The following MYT1L variants were observed in gnomAD, a reference collection of about 807,000 sequenced individuals.
MYT1L encodes myelin transcription factor 1 like.
In MYT1L, 12 loss-of-function variants were observed where a neutral mutation model predicts 126.7. The ratio of observed to expected loss-of-function variants is 0.09; its 90% CI spans 0.06 to 0.15. MYT1L has a LOEUF of 0.15. Ranked by LOEUF, MYT1L falls within the 10% of genes least tolerant of loss-of-function variation. The probability of loss-of-function intolerance (pLI) is 1.00; values close to 1 mark genes in which losing one functional copy is unlikely to be tolerated. For missense variants in MYT1L, 979 were observed against 1,585.2 expected, an observed-to-expected ratio of 0.62 and a Z score of 6.49; for synonymous variants, 541 against 604.2, an observed-to-expected ratio of 0.90 and a Z score of 1.53.
chr2:2,293,265 G>A (rs761889604), intron 1 of MYT1L, among the ~76,000 whole-genome samples: 6 of 152,154 alleles, frequency 3.9e-5, no homozygotes, highest in Admixed American at 6.5e-5. Flanking sequence ...GAACAGCACC[G>A]AGGAGGGAAA....
At chr2:1,856,349 G>A (rs747989807) in intron 18 of MYT1L, among the ~76,000 whole-genome samples, 6 of 152,138 alleles carry the variant, frequency 3.9e-5, no homozygotes, top group Admixed American at 1.3e-4. Flanking sequence ...TTGACCACAC[G>A]TCCATGGAGG....
intron 22 of MYT1L, 36 bp downstream of exon 22, chr2:1,809,040 G>C (rs1469009288): frequency 6.2e-7 from 1 of 1,603,180 alleles, no homozygotes; most frequent in African/African-American, 1.3e-5. Flanking sequence ...GGGCCTTCCT[G>C]ACCATGGGTG....
intron 5 of MYT1L, among the ~76,000 whole-genome samples, chr2:1,985,517 C>T (rs4853812): frequency 0.35 from 52,778 of 152,038 alleles, 10,451 homozygotes; most frequent in African/African-American, 0.54. Flanking sequence ...CAAGTTTGGG[C>T]TCCTAAAAAT....
chr2:2,160,316 T>TA (rs1432005522), intron 3 of MYT1L, among the ~76,000 whole-genome samples: 2 of 152,194 alleles, frequency 1.3e-5, no homozygotes, highest in African/African-American at 2.4e-5. Context: ...AGAGAAAAAA[T>TA]ACTATTATTT....
chr2:2,086,934 G>A (rs1440275201), intron 3 of MYT1L, among the ~76,000 whole-genome samples: 2 of 152,174 alleles, frequency 1.3e-5, no homozygotes, highest in Non-Finnish European at 2.9e-5. Flanking sequence ...GCAGGCCACA[G>A]CATTCTCAAA....
chr2:2,162,568 G>T (rs1042462735), intron 3 of MYT1L, among the ~76,000 whole-genome samples: 7 of 152,122 alleles, frequency 4.6e-5, no homozygotes, highest in Admixed American at 4.6e-4. Context: ...GTGGATTGGG[G>T]TCTGGATCTG....
chr2:1,856,597 T>G (rs1333506972), intron 18 of MYT1L, among the ~76,000 whole-genome samples: 1 of 152,184 alleles, frequency 6.6e-6, no homozygotes, highest in Non-Finnish European at 1.5e-5. Context: ...ATGAAACAGC[T>G]GTGTCTACCG....
At chr2:1,830,112 G>A (rs1273697375) in intron 21 of MYT1L, among the ~76,000 whole-genome samples, 2 of 152,144 alleles carry the variant, frequency 1.3e-5, no homozygotes, top group Non-Finnish European at 2.9e-5. Flanking sequence ...AGAAAGAGAA[G>A]GGACAGTGTC....
chr2:1,806,268 C>T lies in MYT1L; in HGVS notation c.3172+2808G>A, dbSNP rs1406480813. ...GACTTAGGAAGACCCACTTCCACCA[C>T]CTGTTCTCCCAGTGACCTGCAGCTC... is the stretch of plus-strand genomic sequence containing the variant. On this transcript the variant is annotated intron_variant, in intron 22 of 24. Coordinates refer to ENST00000647738, the MANE Select transcript of MYT1L (RefSeq NM_001303052.2). The surrounding 1 kb of genome is among the most constrained non-coding windows in gnomAD (Gnocchi z 4.9). 1.3e-5 allele frequency among the ~76,000 whole-genome samples: 2 copies of T among 152,212 alleles called. No homozygotes were observed. The highest frequency in any genetic ancestry group is 2.9e-5 in the Non-Finnish European group (2 of 68,038).
At chr2:2,302,943 T>C (rs1292389045) in intron 1 of MYT1L, among the ~76,000 whole-genome samples, 1 of 152,176 alleles carries the variant, frequency 6.6e-6, no homozygotes, top group African/African-American at 2.4e-5. Context: ...TGAGTCCCTT[T>C]TGCATAAATA....
At chr2:1,901,621 C>A (rs573700105) in intron 14 of MYT1L, among the ~76,000 whole-genome samples, 61 of 152,304 alleles carry the variant, frequency 4.0e-4, no homozygotes, top group Admixed American at 2.4e-3. Context: ...GAAAGATGTG[C>A]AGCAATTCCT....
chr2:1,952,336 T>A (rs1160705950), intron 8 of MYT1L, among the ~76,000 whole-genome samples: 2 of 152,240 alleles, frequency 1.3e-5, no homozygotes, highest in East Asian at 3.9e-4. Flanking sequence ...AATCACTAAA[T>A]TTAATCTCTT....
At chr2:1,934,670 T>G (rs2055581220) in intron 9 of MYT1L, among the ~76,000 whole-genome samples, 1 of 151,920 alleles carries the variant, frequency 6.6e-6, no homozygotes, top group African/African-American at 2.4e-5. Flanking sequence ...TCTGTCTCTC[T>G]GTCTGTCTCA....
chr2:2,118,731 T>C (rs1016020764), intron 3 of MYT1L, among the ~76,000 whole-genome samples: 2 of 152,238 alleles, frequency 1.3e-5, no homozygotes, highest in African/African-American at 4.8e-5. Flanking sequence ...TGAATTATTA[T>C]GACAAAAGGA....
rs951319573 is a variant in MYT1L at position 2,059,680 on chromosome 2, C to T, written c.-303-5557G>A. 2.0e-5 allele frequency among the ~76,000 whole-genome samples: 3 copies of T among 152,052 alleles called. No individual in the cohort carries two copies. The highest frequency in any genetic ancestry group is 2.9e-5 in the Non-Finnish European group (2 of 68,020). Reference sequence around the variant, plus strand: ...CTCTGAAAGTCCTTAATTATGTCTGCGTCGTAGGCTCTTCACCTTTCAGAA... The same window carrying T: ...CTCTGAAAGTCCTTAATTATGTCTGTGTCGTAGGCTCTTCACCTTTCAGAA... On this transcript the variant is annotated intron_variant, in intron 3 of 24. Coordinates refer to ENST00000647738, the MANE Select transcript of MYT1L (RefSeq NM_001303052.2). This position sits in a 1 kb window ranked among gnomAD's most constrained non-coding sequence, Gnocchi z 4.7.
intron 18 of MYT1L, among the ~76,000 whole-genome samples, chr2:1,868,110 G>A (rs2045833067): frequency 1.3e-5 from 2 of 152,104 alleles, no homozygotes; most frequent in South Asian, 4.1e-4. Flanking sequence ...GGGACTACAG[G>A]CGTGCACCAC....
intron 18 of MYT1L, among the ~76,000 whole-genome samples, chr2:1,871,104 G>T (rs1228279449): frequency 6.6e-6 from 1 of 152,246 alleles, no homozygotes; most frequent in East Asian, 1.9e-4. Context: ...AGCTGGGTCT[G>T]AGAGTCGGTC....
At chr2:2,106,374 G>A (rs920093938) in intron 3 of MYT1L, among the ~76,000 whole-genome samples, 2 of 152,154 alleles carry the variant, frequency 1.3e-5, no homozygotes, top group Admixed American at 1.3e-4. Flanking sequence ...CACTGTAGGA[G>A]GCCGAATCAC....
intron 2 of MYT1L, among the ~76,000 whole-genome samples, chr2:2,187,052 T>C (rs1356743815): frequency 6.6e-6 from 1 of 152,184 alleles, no homozygotes; most frequent in Non-Finnish European, 1.5e-5. Flanking sequence ...CAGCAATTCA[T>C]CCTCACACAA....
Sources: gnomAD v4.1 joint callset for allele counts (sites outside exome capture counted in the v4.1 genomes callset) on GRCh38, gnomAD v4.1.1 for gene constraint, Gnocchi (gnomAD v3.1) non-coding constraint, MANE v1.5 for transcripts, NCBI Gene and HGNC (gene_info 2026-07-23, HGNC 2026-07-21) for gene names.